The following EIF2B3 variants were observed in gnomAD, a reference collection of about 807,000 sequenced individuals.
EIF2B3 encodes the protein translation initiation factor eIF2B subunit gamma.
A neutral mutation model predicts 54.1 loss-of-function variants in EIF2B3; 20 were observed. The ratio of observed to expected loss-of-function variants is 0.37; its 90% CI spans 0.26 to 0.54. The LOEUF is 0.54. Among genes scored for constraint, EIF2B3 ranks in the 20% least tolerant of loss-of-function variants. The probability of loss-of-function intolerance (pLI) is 0.86; values close to 1 mark genes in which losing one functional copy is unlikely to be tolerated. For synonymous variants in EIF2B3, 153 were observed against 188.1 expected (o/e 0.81, Z 1.52); for missense variants, 448 against 547.8 (o/e 0.82, Z 1.82).
intron 3 of EIF2B3, among the ~76,000 whole-genome samples, chr1:44,976,789 C>A (rs1372346625): frequency 6.6e-6 from 1 of 151,956 alleles, no homozygotes; most frequent in Non-Finnish European, 1.5e-5. Context: ...CAAAAGAAGC[C>A]AGAACAAAAT....
At chr1:44,853,175 A>T (rs1654328422) in intron 11 of EIF2B3, among the ~76,000 whole-genome samples, 1 of 152,154 alleles carries the variant, frequency 6.6e-6, no homozygotes, top group Non-Finnish European at 1.5e-5. Flanking sequence ...TTTCAAGGAA[A>T]AAGAACTATA....
intron 10 of EIF2B3, among the ~76,000 whole-genome samples, chr1:44,871,708 T>C (rs763900202): frequency 6.6e-6 from 1 of 152,098 alleles, no homozygotes; most frequent in South Asian, 2.1e-4. Context: ...TAAATAGTGA[T>C]GGTGTTATGA....
chr1:44,881,377 A>C lies in EIF2B3; in HGVS notation c.784+235T>G, dbSNP rs1235837357. On this transcript the variant is annotated intron_variant, in intron 7 of 11. Coordinates refer to ENST00000360403, the MANE Select transcript of EIF2B3 (RefSeq NM_020365.5). This position sits in a 1 kb window ranked among gnomAD's most constrained non-coding sequence, Gnocchi z 4.0. Reference sequence around the variant, plus strand: ...GGAACACAGCCAAACCAGAGCTATGAATCAGAGAATGGGGCTGGAGGCATG... The same window carrying C: ...GGAACACAGCCAAACCAGAGCTATGCATCAGAGAATGGGGCTGGAGGCATG... Among the ~76,000 whole-genome samples, 4 of 152,184 alleles carry C rather than the reference A, an allele frequency of 2.6e-5. No individual in the cohort carries two copies. The highest frequency in any genetic ancestry group is 5.9e-5 in the Non-Finnish European group (4 of 68,036).
intron 3 of EIF2B3, among the ~76,000 whole-genome samples, chr1:44,942,418 T>TACACA (rs1553177413): frequency 1.2e-4 from 1 of 8,102 alleles, no homozygotes; most frequent in African/African-American, 6.8e-4. Context: ...TATATATATA[T>TACACA]TTTTTTTTTT....
chr1:44,933,113 G>C (rs943349256), intron 4 of EIF2B3, among the ~76,000 whole-genome samples: 1 of 151,898 alleles, frequency 6.6e-6, no homozygotes, highest in Non-Finnish European at 1.5e-5. Context: ...TGTAAGGAGA[G>C]GAAATTCACA....
At chr1:44,914,889 C>G (rs539105802) in intron 5 of EIF2B3, among the ~76,000 whole-genome samples, 1 of 152,154 alleles carries the variant, frequency 6.6e-6, no homozygotes, top group African/African-American at 2.4e-5. Context: ...GCGGTTTCAA[C>G]CGTGTTAGCC....
At chr1:44,984,583 G>T (rs1431391591) in intron 1 of EIF2B3, among the ~76,000 whole-genome samples, 1 of 152,094 alleles carries the variant, frequency 6.6e-6, no homozygotes, top group Non-Finnish European at 1.5e-5. Context: ...AGGAAGCCTG[G>T]TGGTTAGGTT....
chr1:44,919,883 C>CTTTTTTTTTT (rs1194645004), intron 5 of EIF2B3, among the ~76,000 whole-genome samples: 17 of 117,234 alleles, frequency 1.5e-4, no homozygotes, highest in African/African-American at 4.2e-4. Context: ...TGCCTGGCTA[C>CTTTTTTTTTT]TTTTTTTTTT....
intron 3 of EIF2B3, among the ~76,000 whole-genome samples, chr1:44,965,396 A>G (rs1203377992): frequency 6.6e-6 from 1 of 152,194 alleles, no homozygotes; most frequent in Non-Finnish European, 1.5e-5. Context: ...TCAAAAAAAG[A>G]AATTTTGAAA....
chr1:44,889,102 G>C (rs572162077), intron 6 of EIF2B3, among the ~76,000 whole-genome samples: 147 of 152,280 alleles, frequency 9.7e-4, no homozygotes, highest in Admixed American at 1.7e-3. Flanking sequence ...ACTGTTAGTT[G>C]ATTATCTTTC....
intron 3 of EIF2B3, among the ~76,000 whole-genome samples, chr1:44,953,087 C>T (rs1279755999): frequency 6.6e-6 from 1 of 151,528 alleles, no homozygotes; most frequent in African/African-American, 2.4e-5. Flanking sequence ...TGGGATCACT[C>T]CCGTCAGTAT....
At chr1:44,979,043 T>C (rs1302407547) in intron 2 of EIF2B3, among the ~76,000 whole-genome samples, 2 of 151,710 alleles carry the variant, frequency 1.3e-5, no homozygotes, top group African/African-American at 4.8e-5. Context: ...TCCCAGCACT[T>C]TGGGAGGCCG....
chr1:44,863,786 C>G (rs554017703), intron 10 of EIF2B3, among the ~76,000 whole-genome samples: 1 of 152,266 alleles, frequency 6.6e-6, no homozygotes, highest in African/African-American at 2.4e-5. Context: ...ATTGTACATA[C>G]ATGTTACCGT....
intron 3 of EIF2B3, among the ~76,000 whole-genome samples, chr1:44,949,170 G>A (rs1644135322): frequency 6.6e-6 from 1 of 152,028 alleles, no homozygotes; most frequent in Non-Finnish European, 1.5e-5. Context: ...GCACCTGGCC[G>A]CCAGTGTTAA....
chr1:44,968,017 G>A lies in EIF2B3; in HGVS notation c.294+10298C>T, dbSNP rs410800. 6.7e-3 allele frequency among the ~76,000 whole-genome samples: 1,024 copies of A among 151,876 alleles called. 12 individuals carry two copies. Among genetic ancestry groups the A allele is most frequent in the African/African-American group, 0.023 (972 of 41,420 alleles). ...TGTGCCACTGCACTCCAGCCTGGGC[G>A]ACAGAGTGAGACTCCATTTTGAAAA... is the stretch of plus-strand genomic sequence containing the variant. On this transcript the variant is annotated intron_variant, in intron 3 of 11. Coordinates refer to ENST00000360403, the MANE Select transcript of EIF2B3 (RefSeq NM_020365.5).
At chr1:44,951,712 C>T (rs1423069351) in intron 3 of EIF2B3, among the ~76,000 whole-genome samples, 1 of 152,108 alleles carries the variant, frequency 6.6e-6, no homozygotes, top group Non-Finnish European at 1.5e-5. Flanking sequence ...CATTTCCTAG[C>T]CAATTAACTT....
intron 3 of EIF2B3, among the ~76,000 whole-genome samples, chr1:44,965,015 G>A (rs1243814308): frequency 1.3e-5 from 2 of 152,268 alleles, no homozygotes; most frequent in Admixed American, 6.5e-5. Context: ...TATGGGTCAG[G>A]ATCCATATCC....
intron 11 of EIF2B3, among the ~76,000 whole-genome samples, chr1:44,855,519 C>G (rs540427465): frequency 3.7e-4 from 56 of 152,016 alleles, no homozygotes; most frequent in African/African-American, 1.3e-3. Context: ...GTTCTGAGAG[C>G]TAGGGATGCA....
intron 3 of EIF2B3, among the ~76,000 whole-genome samples, chr1:44,960,494 C>A (rs190483711): frequency 0.011 from 1,618 of 152,054 alleles, 33 homozygotes; most frequent in African/African-American, 0.037. Flanking sequence ...AAAAAATTAG[C>A]CAGGCGAGGT....
Sources: allele counts gnomAD v4.1 joint callset (sites outside exome capture counted in the v4.1 genomes callset), GRCh38; gene constraint gnomAD v4.1.1; non-coding constraint Gnocchi (gnomAD v3.1); transcripts MANE v1.5; gene names NCBI Gene and HGNC (gene_info 2026-07-23, HGNC 2026-07-21).